TOX: variants seen among roughly 807,000 people sequenced by gnomAD.
TOX encodes the protein thymocyte selection associated high mobility group box.
In TOX, 11 loss-of-function variants were observed where a neutral mutation model predicts 53.7. The observed-to-expected ratio is 0.20, with a 90% CI of 0.13 to 0.34. The LOEUF is 0.34. TOX is among the 10% of genes least tolerant of loss of function. TOX has a pLI of 1.00. For synonymous variants in TOX, 225 were observed against 245.3 expected, an observed-to-expected ratio of 0.92 and a Z score of 0.77; for missense variants, 570 against 664.6, an observed-to-expected ratio of 0.86 and a Z score of 1.56.
intron 3 of TOX, among the ~76,000 whole-genome samples, chr8:58,889,793 T>C (rs529216847): frequency 3.9e-5 from 6 of 152,242 alleles, no homozygotes; most frequent in Admixed American, 6.5e-5. Flanking sequence ...TATCTTGTAA[T>C]CACCTTAATA....
chr8:58,951,143 T>A (rs1328513071), intron 2 of TOX, among the ~76,000 whole-genome samples: 1 of 152,186 alleles, frequency 6.6e-6, no homozygotes, highest in Non-Finnish European at 1.5e-5. Flanking sequence ...TGACCAAGGA[T>A]GGAGTTTGAC....
At chr8:58,855,862 C>G (rs55904447) in intron 3 of TOX, among the ~76,000 whole-genome samples, 1 of 152,320 alleles carries the variant, frequency 6.6e-6, no homozygotes, top group Non-Finnish European at 1.5e-5. Flanking sequence ...GTTTACGCTG[C>G]TCTGTCATTA....
chr8:58,919,102 A>G (rs1025492594), intron 3 of TOX, among the ~76,000 whole-genome samples: 3 of 151,360 alleles, frequency 2.0e-5, no homozygotes, highest in Non-Finnish European at 1.5e-5. Context: ...GGTAGGAAGA[A>G]TCAATATTGT....
chr8:59,011,436 T>C (rs956284809), intron 1 of TOX, among the ~76,000 whole-genome samples: 8 of 152,208 alleles, frequency 5.3e-5, no homozygotes, highest in Non-Finnish European at 1.2e-4. Context: ...GAAGAAAGAA[T>C]TGTTTCCATT....
At chr8:58,892,160 C>T (rs971723392) in intron 3 of TOX, among the ~76,000 whole-genome samples, 1 of 152,184 alleles carries the variant, frequency 6.6e-6, no homozygotes, top group Non-Finnish European at 1.5e-5. Context: ...CTACATATCA[C>T]AGAAACATGC....
chr8:58,898,630 A>T (rs2129172552), intron 3 of TOX, among the ~76,000 whole-genome samples: 1 of 152,264 alleles, frequency 6.6e-6, no homozygotes, highest in South Asian at 2.1e-4. Context: ...CCAGTGAATG[A>T]CAGAGTATTT....
intron 1 of TOX, among the ~76,000 whole-genome samples, chr8:58,973,251 C>T (rs944034280): frequency 1.3e-5 from 2 of 152,168 alleles, no homozygotes; most frequent in African/African-American, 2.4e-5. Context: ...TCATATTTTA[C>T]AGGATCCCAT....
chr8:58,845,594 T>C (rs1272718746), intron 4 of TOX, among the ~76,000 whole-genome samples: 2 of 152,118 alleles, frequency 1.3e-5, no homozygotes, highest in Non-Finnish European at 2.9e-5. Flanking sequence ...AAAACATCAA[T>C]TATAGAAAAA....
chr8:58,931,966 A>G (rs1323332312), intron 3 of TOX, among the ~76,000 whole-genome samples: 1 of 152,168 alleles, frequency 6.6e-6, no homozygotes, highest in East Asian at 1.9e-4. Flanking sequence ...CTAGTTTGGG[A>G]TAATATTTTA....
chr8:58,924,632 T>A (rs1585903860), intron 3 of TOX, among the ~76,000 whole-genome samples: 1 of 152,206 alleles, frequency 6.6e-6, no homozygotes, highest in African/African-American at 2.4e-5. Flanking sequence ...TAAACCGTAA[T>A]AGGGGAGAAT....
intron 1 of TOX, among the ~76,000 whole-genome samples, chr8:58,986,462 C>A (rs533004980): frequency 2.6e-5 from 4 of 152,308 alleles, no homozygotes; most frequent in Admixed American, 2.0e-4. Flanking sequence ...ATCGAATAAA[C>A]CTCCAGAGTC....
intron 1 of TOX, among the ~76,000 whole-genome samples, chr8:59,042,916 G>C (rs1803618016): frequency 6.8e-6 from 1 of 146,810 alleles, no homozygotes; most frequent in African/African-American, 2.4e-5. Context: ...CAACATATTA[G>C]TCACCTCACA....
chr8:59,080,182 C>T (rs913253984), intron 1 of TOX, among the ~76,000 whole-genome samples: 1 of 151,980 alleles, frequency 6.6e-6, no homozygotes, highest in African/African-American at 2.4e-5. Flanking sequence ...AGGGTTTCAC[C>T]ATGTTGGTCA....
intron 3 of TOX, among the ~76,000 whole-genome samples, chr8:58,855,440 C>T (rs1424622844): frequency 1.3e-5 from 2 of 152,160 alleles, no homozygotes; most frequent in Admixed American, 6.5e-5. Flanking sequence ...CTTGTCACCT[C>T]TACTCAAAAT....
intron 1 of TOX, among the ~76,000 whole-genome samples, chr8:59,104,350 G>A (rs28618360): frequency 0.013 from 1,937 of 152,016 alleles, 37 homozygotes; most frequent in African/African-American, 0.043. Context: ...TCCCACTACC[G>A]AAACCCCAGG....
At chr8:58,954,038 T>C (rs1374631619) in intron 2 of TOX, among the ~76,000 whole-genome samples, 1 of 152,176 alleles carries the variant, frequency 6.6e-6, no homozygotes, top group African/African-American at 2.4e-5. Context: ...GAGAGAATAT[T>C]GTACAAAAAG....
chr8:59,000,129 G>T (rs1050081785), intron 1 of TOX, among the ~76,000 whole-genome samples: 1 of 152,024 alleles, frequency 6.6e-6, no homozygotes, highest in African/African-American at 2.4e-5. Context: ...TTGATCTAAA[G>T]AAATCTACTA....
At chr8:59,040,759 C>T (rs1324531069) in intron 1 of TOX, among the ~76,000 whole-genome samples, 1 of 152,204 alleles carries the variant, frequency 6.6e-6, no homozygotes, top group Non-Finnish European at 1.5e-5. Flanking sequence ...TCAGAACTGC[C>T]TTTAGAGCCC....
chr8:59,103,424 G>C (rs1804842534), intron 1 of TOX, among the ~76,000 whole-genome samples: 1 of 152,184 alleles, frequency 6.6e-6, no homozygotes, highest in Non-Finnish European at 1.5e-5. Flanking sequence ...TAGAACTATA[G>C]AACAGCAAAG....
Sources: gnomAD v4.1 joint callset for allele counts (sites outside exome capture counted in the v4.1 genomes callset) on GRCh38, gnomAD v4.1.1 for gene constraint, MANE v1.5 for transcripts, NCBI Gene and HGNC (gene_info 2026-07-23, HGNC 2026-07-21) for gene names.